Variants in SENP6 observed in about 807,000 individuals in gnomAD.
SENP6 encodes sentrin-specific protease 6.
SENP6 carries 41 observed loss-of-function variants against 134.5 expected under a neutral mutation model. The ratio of observed to expected loss-of-function variants is 0.30; its 90% CI spans 0.24 to 0.40. SENP6 has a LOEUF of 0.40. Ranked by LOEUF, SENP6 falls within the 10% of genes least tolerant of loss-of-function variation. SENP6 has a pLI of 1.00. For missense variants in SENP6, 1,248 were observed against 1,312.5 expected (o/e 0.95, Z 0.76); for synonymous variants, 395 against 429.8 (o/e 0.92, Z 1.00).
intron 1 of SENP6, chr6:75,611,618 C>G (rs143805012): frequency 6.6e-6 from 1 of 152,192 alleles, no homozygotes; most frequent in Non-Finnish European, 1.5e-5. Context: ...TTTGGAACTA[C>G]TTATCTCATG....
chr6:75,631,858 T>TA (rs1294576323), intron 3 of SENP6, among the ~76,000 whole-genome samples: 1 of 152,198 alleles, frequency 6.6e-6, no homozygotes, highest in African/African-American at 2.4e-5. Flanking sequence ...GAGGCCCCCT[T>TA]AAAGACTCCC....
intron 11 of SENP6, 124 bp downstream of exon 11, chr6:75,670,844 A>T (rs367578951): frequency 2.9e-4 from 113 of 387,604 alleles, no homozygotes; most frequent in African/African-American, 2.3e-3. Context: ...TTAGTTCAAG[A>T]TTTCACATTG....
chr6:75,686,987 G>A (rs961707453), intron 16 of SENP6, among the ~76,000 whole-genome samples: 1 of 152,192 alleles, frequency 6.6e-6, no homozygotes, highest in Non-Finnish European at 1.5e-5. Flanking sequence ...ATCCTGCAGA[G>A]TGTTTTCCAA....
At chr6:75,661,815 G>A (rs1405569124) in intron 8 of SENP6, among the ~76,000 whole-genome samples, 5 of 152,132 alleles carry the variant, frequency 3.3e-5, no homozygotes, top group African/African-American at 1.2e-4. Context: ...TTGGCAGGCC[G>A]AGGCAGGTGG....
Position 75,642,482 on chromosome 6 carries a change from G to A in SENP6, c.479+1778G>A, listed in dbSNP as rs928333834. Among the ~76,000 whole-genome samples the A allele has an allele frequency of 9.9e-5, 15 of 152,282 alleles. No individual in the cohort carries two copies. The South Asian group carries it at 3.1e-3, about 32-fold the overall frequency. ...GGCTTTTCCAGATAGGGAAGAGGTTGTGCTAAGTTACTAATCCAGGAATGA... is the reference window on the plus strand; with the variant it reads ...GGCTTTTCCAGATAGGGAAGAGGTTATGCTAAGTTACTAATCCAGGAATGA... On this transcript the variant is annotated intron_variant, in intron 6 of 23. Coordinates refer to ENST00000447266, the MANE Select transcript of SENP6 (RefSeq NM_015571.4).
At chr6:75,635,921 TA>T (rs1769476096) in intron 5 of SENP6, among the ~76,000 whole-genome samples, 1 of 152,160 alleles carries the variant, frequency 6.6e-6, no homozygotes. Flanking sequence ...ACTTAAACCT[TA>T]TAATCAATTT....
At chr6:75,616,788 G>C (rs1767883402) in intron 1 of SENP6, among the ~76,000 whole-genome samples, 1 of 150,732 alleles carries the variant, frequency 6.6e-6, no homozygotes, top group Non-Finnish European at 1.5e-5. Flanking sequence ...AAGAACCCCA[G>C]TTCCTTTAGT....
chr6:75,607,162 A>G (rs1297977419), intron 1 of SENP6, among the ~76,000 whole-genome samples: 1 of 152,140 alleles, frequency 6.6e-6, no homozygotes, highest in African/African-American at 2.4e-5. Flanking sequence ...AGCCTGAGCA[A>G]CATAGTGAGC....
intron 6 of SENP6, 95 bp downstream of exon 6, chr6:75,640,799 A>C: frequency 4.3e-6 from 3 of 704,104 alleles, no homozygotes; most frequent in Non-Finnish European, 6.6e-6. Flanking sequence ...ATTAGAGTTT[A>C]TAATTAAAGC....
chr6:75,640,478 CCTGTT>C (rs145666497), intron 5 of SENP6, among the ~76,000 whole-genome samples: 46,948 of 151,192 alleles, frequency 0.31, 8,507 homozygotes, highest in Admixed American at 0.48. Context: ...TATTCATCTT[CCTGTT>C]TGTTTATTTT....
At chr6:75,637,870 T>G (rs999155216) in intron 5 of SENP6, among the ~76,000 whole-genome samples, 2 of 152,098 alleles carry the variant, frequency 1.3e-5, no homozygotes, top group Non-Finnish European at 2.9e-5. Context: ...TTTTTTGTGT[T>G]TGTTTGAGAC....
chr6:75,641,553 C>G (rs891479263), intron 6 of SENP6, among the ~76,000 whole-genome samples: 2 of 152,142 alleles, frequency 1.3e-5, no homozygotes, highest in African/African-American at 4.8e-5. Context: ...AGAACACTGG[C>G]AGACACATGT....
intron 8 of SENP6, among the ~76,000 whole-genome samples, chr6:75,660,015 A>G (rs1771651034): frequency 6.6e-6 from 1 of 152,232 alleles, no homozygotes; most frequent in African/African-American, 2.4e-5. Context: ...CTTTATGCTT[A>G]TAGAATTGAA....
intron 9 of SENP6, among the ~76,000 whole-genome samples, chr6:75,664,785 G>A (rs1407732298): frequency 6.6e-6 from 1 of 152,136 alleles, no homozygotes; most frequent in African/African-American, 2.4e-5. Flanking sequence ...TACTAATAAA[G>A]TCAACGCATG....
At chr6:75,663,084 G>C in intron 8 of SENP6, 137 bp from the exon 9 acceptor site, 1 of 720,054 alleles carries the variant, frequency 1.4e-6, no homozygotes, top group Non-Finnish European at 2.3e-6. Flanking sequence ...CCTTAATGAT[G>C]CAGTAAAATG....
chr6:75,624,956 A>G (rs1410640957), intron 3 of SENP6, among the ~76,000 whole-genome samples: 1 of 151,982 alleles, frequency 6.6e-6, no homozygotes, highest in Non-Finnish European at 1.5e-5. Flanking sequence ...ACATAGTGAG[A>G]CTCCATCTCT....
At chr6:75,701,887 G>A (rs989548467) in intron 18 of SENP6, among the ~76,000 whole-genome samples, 16 of 151,776 alleles carry the variant, frequency 1.1e-4, no homozygotes, top group Middle Eastern at 3.2e-3. Context: ...CAATCCACCC[G>A]CCTCGGCCTC....
chr6:75,666,950 C>A lies in SENP6; in HGVS notation c.1224+9C>A. The A allele has an allele frequency of 6.4e-7, 1 of 1,569,572 alleles. No individual in the cohort carries two copies. Among genetic ancestry groups the A allele is most frequent in the Non-Finnish European group, 8.7e-7 (1 of 1,145,692 alleles). ...CAAGAATGAAAGACCAGGTACTTTT[C>A]ACTTTTGTTGACATTTGTTCAGATT... On this transcript the variant is annotated intron_variant, in intron 10 of 23. Coordinates refer to ENST00000447266, the MANE Select transcript of SENP6 (RefSeq NM_015571.4).
chr6:75,687,222 C>G (rs1273843743), intron 16 of SENP6, among the ~76,000 whole-genome samples: 2 of 152,142 alleles, frequency 1.3e-5, no homozygotes. Context: ...TCGTGAAGTT[C>G]TTGTGCAATG....
Sources: allele counts gnomAD v4.1 joint callset (sites outside exome capture counted in the v4.1 genomes callset), GRCh38; gene constraint gnomAD v4.1.1; transcripts MANE v1.5; gene names NCBI Gene and HGNC (gene_info 2026-07-23, HGNC 2026-07-21).